The following RLIG1 variants were observed in gnomAD, a reference collection of about 807,000 sequenced individuals.
The protein encoded by RLIG1 is RNA ligase 1.
At chr12:88,046,760 A>T in the RLIG1 span, 2 of 1,524,446 alleles carry the variant, frequency 1.3e-6, no homozygotes, top group Admixed American at 2.0e-5. Flanking sequence ...TCTAGTTCTG[A>T]AAGTTCCTTT....
the RLIG1 span, chr12:88,043,739 C>A: frequency 6.6e-7 from 1 of 1,505,982 alleles, no homozygotes; most frequent in Non-Finnish European, 9.2e-7. Context: ...TCTTCTAGTG[C>A]AGTTTTGTGT....
At chr12:88,037,508 T>TC in the RLIG1 span, among the ~76,000 whole-genome samples, 49 of 151,884 alleles carry the variant, frequency 3.2e-4, no homozygotes, top group South Asian at 2.1e-4. Context: ...AGAGTAATCT[T>TC]CCCCCCCACA....
the RLIG1 span, chr12:88,035,911 T>G: frequency 6.6e-7 from 1 of 1,508,052 alleles, no homozygotes; most frequent in Non-Finnish European, 8.8e-7. Flanking sequence ...CGCCCTGAGC[T>G]CCAGGTTCTT....
the RLIG1 span, chr12:88,045,555 C>T: frequency 1.9e-6 from 3 of 1,539,720 alleles, no homozygotes; most frequent in South Asian, 1.2e-5. Context: ...GATCTAATAA[C>T]AAATAATTTT....
the RLIG1 span, chr12:88,041,668 T>G: frequency 6.6e-6 from 1 of 152,172 alleles, no homozygotes; most frequent in Non-Finnish European, 1.5e-5. Flanking sequence ...ATTTTTTATG[T>G]TTACTGGTAA....
At chr12:88,043,718 A>G in the RLIG1 span, 1 of 1,582,200 alleles carries the variant, frequency 6.3e-7, no homozygotes, top group South Asian at 1.1e-5. Flanking sequence ...CATTCCTGGT[A>G]TCATGATATC....
the RLIG1 span, chr12:88,042,129 C>T: frequency 2.0e-5 from 3 of 152,206 alleles, no homozygotes; most frequent in African/African-American, 4.8e-5. Context: ...TGGCAGGACA[C>T]ATTTTCTTAG....
the RLIG1 span, chr12:88,048,230 C>G: frequency 6.5e-7 from 1 of 1,536,286 alleles, no homozygotes; most frequent in African/African-American, 1.4e-5. Flanking sequence ...TTTTCTCTTT[C>G]CAGGTCCATC....
the RLIG1 span, chr12:88,048,793 C>G: frequency 5.2e-6 from 1 of 190,604 alleles, no homozygotes; most frequent in Non-Finnish European, 1.1e-5. Context: ...AACCTCATAA[C>G]CTATATGTGT....
chr12:88,046,834 A>G, the RLIG1 span: 1 of 1,611,778 alleles, frequency 6.2e-7, no homozygotes. Flanking sequence ...CATCCATTAC[A>G]TCTTCTTATA....
chr12:88,040,002 G>T, the RLIG1 span: 1 of 625,826 alleles, frequency 1.6e-6, no homozygotes, highest in Admixed American at 2.9e-5. Context: ...GAACTTCACA[G>T]AATAAATATT....
chr12:88,041,007 T>C, the RLIG1 span, among the ~76,000 whole-genome samples: 1 of 152,172 alleles, frequency 6.6e-6, no homozygotes, highest in Non-Finnish European at 1.5e-5. Flanking sequence ...TTCAGTGGCA[T>C]TAAGTATGTT....
At chr12:88,037,620 TAA>T in the RLIG1 span, among the ~76,000 whole-genome samples, 4 of 152,214 alleles carry the variant, frequency 2.6e-5, no homozygotes, top group African/African-American at 9.7e-5. Flanking sequence ...ACCAGCATCA[TAA>T]GTTAGTGAAA....
At chr12:88,048,421 A>C in the RLIG1 span, 2 of 1,360,922 alleles carry the variant, frequency 1.5e-6, no homozygotes, top group African/African-American at 3.0e-5. Context: ...TTTGATGTAT[A>C]AAATGCAAAT....
At chr12:88,037,328 C>T in the RLIG1 span, among the ~76,000 whole-genome samples, 1 of 152,168 alleles carries the variant, frequency 6.6e-6, no homozygotes, top group Non-Finnish European at 1.5e-5. Context: ...TTTTAATACA[C>T]GTACCTTGTT....
the RLIG1 span, chr12:88,049,283 T>C: frequency 2.5e-6 from 4 of 1,607,980 alleles, no homozygotes; most frequent in Non-Finnish European, 3.4e-6. Context: ...GTTCTGAAAG[T>C]TTTTTTACCT....
At chr12:88,047,508 C>A in the RLIG1 span, among the ~76,000 whole-genome samples, 3 of 152,024 alleles carry the variant, frequency 2.0e-5, no homozygotes, top group South Asian at 4.1e-4. Context: ...TTAATTTTAA[C>A]CCCTCTTTTC....
the RLIG1 span, chr12:88,049,305 A>G: frequency 2.5e-6 from 4 of 1,598,842 alleles, no homozygotes; most frequent in Non-Finnish European, 3.4e-6. Context: ...CTCTTCTAAG[A>G]GAATATTCTT....
At chr12:88,049,458 C>T in the RLIG1 span, 4 of 1,001,092 alleles carry the variant, frequency 4.0e-6, no homozygotes, top group Non-Finnish European at 5.9e-6. Flanking sequence ...AGGAAATATA[C>T]ATATTTTACG....
Sources: gnomAD v4.1 joint callset for allele counts (sites outside exome capture counted in the v4.1 genomes callset) on GRCh38, gnomAD v4.1.1 for gene constraint, MANE v1.5 for transcripts, NCBI Gene and HGNC (gene_info 2026-07-23, HGNC 2026-07-21) for gene names.